Variants in RNF220 observed in about 807,000 individuals in gnomAD.
The protein encoded by RNF220 is ring finger protein 220.
RNF220 carries 7 observed loss-of-function variants against 67.1 expected under a neutral mutation model. The ratio of observed to expected loss-of-function variants is 0.10; its 90% CI spans 0.06 to 0.20. The LOEUF (loss-of-function observed/expected upper bound fraction) is 0.20. RNF220 is among the 10% of genes least tolerant of loss of function. RNF220 has a pLI of 1.00. For missense variants in RNF220, 565 were observed against 740.3 expected (o/e 0.76, Z 2.75); for synonymous variants, 270 against 283.2 (o/e 0.95, Z 0.47).
At chr1:44,522,368 GC>G (rs1207162475) in intron 2 of RNF220, among the ~76,000 whole-genome samples, 1 of 152,152 alleles carries the variant, frequency 6.6e-6, no homozygotes, top group Non-Finnish European at 1.5e-5. Context: ...CATGCAAAAT[GC>G]CTAACATGGA....
intron 8 of RNF220, among the ~76,000 whole-genome samples, chr1:44,638,916 C>T (rs1283194751): frequency 6.6e-6 from 1 of 152,210 alleles, no homozygotes; most frequent in Non-Finnish European, 1.5e-5. Flanking sequence ...GCCTAGGAGG[C>T]ACTCTGACCT....
At chr1:44,446,792 C>T (rs866896261) in intron 2 of RNF220, among the ~76,000 whole-genome samples, 2 of 152,060 alleles carry the variant, frequency 1.3e-5, no homozygotes, top group African/African-American at 2.4e-5. Flanking sequence ...CTCCTGACCT[C>T]GTGATCTGCC....
chr1:44,650,886 A>G lies in RNF220; in HGVS notation c.*111A>G. 1.1e-6 allele frequency: 1 copy of G among 887,584 alleles called. No homozygotes were observed. Among genetic ancestry groups the G allele is most frequent in the Non-Finnish European group, 1.9e-6 (1 of 540,204 alleles). The allele number at this position is 887,584 out of a possible 1,614,324, so 55.0% of individuals were successfully genotyped here. On this transcript the variant is annotated 3_prime_UTR_variant, in exon 15 of 15. Transcript: ENST00000361799. The surrounding 1 kb of genome is among the most constrained non-coding windows in gnomAD (Gnocchi z 4.3). ...TTGCACACAGGTTCCCCATGTACAT[A>G]CATGCACATACTCAAACATGCGTAC...
chr1:44,470,079 G>A (rs1451288438), intron 2 of RNF220, among the ~76,000 whole-genome samples: 1 of 152,180 alleles, frequency 6.6e-6, no homozygotes, highest in African/African-American at 2.4e-5. Context: ...GAGCAGATGT[G>A]CAGAGGTGAG....
chr1:44,567,736 T>C (rs999250775), intron 2 of RNF220, among the ~76,000 whole-genome samples: 3 of 152,138 alleles, frequency 2.0e-5, no homozygotes, highest in Non-Finnish European at 4.4e-5. Flanking sequence ...TTCATTCGCT[T>C]GCTCACTCAG....
intron 2 of RNF220, 110 bp from the exon 3 acceptor site, chr1:44,614,055 C>A: frequency 6.8e-7 from 1 of 1,462,316 alleles, no homozygotes; most frequent in Non-Finnish European, 9.3e-7. Flanking sequence ...TCCTCTAGGC[C>A]AAGAAGCCCT....
intron 2 of RNF220, among the ~76,000 whole-genome samples, chr1:44,415,273 C>T (rs765552194): frequency 6.6e-6 from 1 of 151,724 alleles, no homozygotes; most frequent in African/African-American, 2.4e-5. Context: ...CCACTAGATG[C>T]CTTTCAGGTC....
intron 2 of RNF220, among the ~76,000 whole-genome samples, chr1:44,596,632 C>CA (rs1260504777): frequency 4.6e-5 from 7 of 151,602 alleles, no homozygotes; most frequent in South Asian, 2.1e-4. Flanking sequence ...CCCTCAGTCA[C>CA]AAAAAAAATA....
chr1:44,495,361 G>A (rs1657245684), intron 2 of RNF220, among the ~76,000 whole-genome samples: 1 of 152,154 alleles, frequency 6.6e-6, no homozygotes, highest in Non-Finnish European at 1.5e-5. Context: ...TAATTCAGTA[G>A]TGCTAGGCAC....
chr1:44,579,518 T>C (rs1366367264), intron 2 of RNF220, among the ~76,000 whole-genome samples: 1 of 152,208 alleles, frequency 6.6e-6, no homozygotes, highest in African/African-American at 2.4e-5. Context: ...AAGCAGCCTC[T>C]TACATGTGAG....
intron 2 of RNF220, among the ~76,000 whole-genome samples, chr1:44,577,585 A>T (rs995470442): frequency 1.3e-5 from 2 of 152,250 alleles, no homozygotes; most frequent in Admixed American, 6.5e-5. Context: ...CCTGTTACCA[A>T]GGAGCTTTTG....
intron 7 of RNF220, 96 bp downstream of exon 7, chr1:44,635,684 A>C: frequency 6.3e-7 from 1 of 1,595,908 alleles, no homozygotes; most frequent in Non-Finnish European, 8.6e-7. Context: ...GGCCATCACC[A>C]CCCACCTTCC....
At chr1:44,537,826 C>T (rs1000436250) in intron 2 of RNF220, among the ~76,000 whole-genome samples, 1 of 152,206 alleles carries the variant, frequency 6.6e-6, no homozygotes, top group Admixed American at 6.5e-5. Flanking sequence ...GACCAGCCCG[C>T]CTTTGTTCTG....
chr1:44,631,911 C>G, intron 5 of RNF220: 1 of 986,946 alleles, frequency 1.0e-6, no homozygotes, highest in South Asian at 4.7e-5. Flanking sequence ...GTCCGGCCGC[C>G]CCCGCCGCAT....
Position 44,621,039 on chromosome 1 carries a change from C to G in RNF220, c.759-1703C>G, listed in dbSNP as rs1643772049. 6.6e-6 allele frequency among the ~76,000 whole-genome samples: 1 copy of G among 152,044 alleles called. No individual in the cohort carries two copies. The highest frequency in any genetic ancestry group is 6.5e-5 in the Admixed American group (1 of 15,272). ...CAAGCGATTCTCCTGCCTCAGCCTCCCGAGTAGCTGGGATTACAGGCGCCT... is the reference window on the plus strand; with the variant it reads ...CAAGCGATTCTCCTGCCTCAGCCTCGCGAGTAGCTGGGATTACAGGCGCCT... On this transcript the variant is annotated intron_variant, in intron 3 of 14. Coordinates refer to ENST00000361799, the MANE Select transcript of RNF220 (RefSeq NM_018150.4). This position sits in a 1 kb window ranked among gnomAD's most constrained non-coding sequence, Gnocchi z 4.8.
intron 2 of RNF220, among the ~76,000 whole-genome samples, chr1:44,494,583 A>G (rs1657161270): frequency 6.6e-6 from 1 of 150,510 alleles, no homozygotes; most frequent in African/African-American, 2.5e-5. Flanking sequence ...GACCTCCAAG[A>G]CATATTGTTA....
intron 2 of RNF220, among the ~76,000 whole-genome samples, chr1:44,568,514 A>G (rs773662934): frequency 3.3e-5 from 5 of 152,220 alleles, no homozygotes; most frequent in Non-Finnish European, 5.9e-5. Context: ...TGTCTGCCAA[A>G]TAAATGAATG....
chr1:44,581,040 C>T (rs965795646), intron 2 of RNF220, among the ~76,000 whole-genome samples: 2 of 152,198 alleles, frequency 1.3e-5, no homozygotes, highest in African/African-American at 4.8e-5. Flanking sequence ...CTCATCTGTG[C>T]TTAAGAGCTG....
intron 2 of RNF220, among the ~76,000 whole-genome samples, chr1:44,487,879 CAAAAATAAATAAATAAATAT>C (rs1656458975): frequency 6.7e-6 from 1 of 149,868 alleles, no homozygotes; most frequent in Admixed American, 6.7e-5. Context: ...GACTCTGTAT[CAAAAATAAATAAATAAATAT>C]AAAAATAAAT....
Sources: gnomAD v4.1 joint callset for allele counts (sites outside exome capture counted in the v4.1 genomes callset) on GRCh38, gnomAD v4.1.1 for gene constraint, Gnocchi (gnomAD v3.1) non-coding constraint, MANE v1.5 for transcripts, NCBI Gene and HGNC (gene_info 2026-07-23, HGNC 2026-07-21) for gene names.